The following MBOAT2 variants were observed in gnomAD, a reference collection of about 807,000 sequenced individuals.
MBOAT2 encodes the protein membrane-bound glycerophospholipid O-acyltransferase 2.
In MBOAT2, 28 loss-of-function variants were observed where a neutral mutation model predicts 63.4. The observed-to-expected ratio is 0.44, with a 90% CI of 0.33 to 0.61. The LOEUF (loss-of-function observed/expected upper bound fraction) is 0.61. Ranked by LOEUF, MBOAT2 falls within the 20% of genes least tolerant of loss-of-function variation. MBOAT2 has a pLI of 0.03. For missense variants in MBOAT2, 470 were observed against 605.8 expected (o/e 0.78, Z 2.35); for synonymous variants, 211 against 215.6 (o/e 0.98, Z 0.19).
intron 4 of MBOAT2, among the ~76,000 whole-genome samples, chr2:8,901,282 G>A (rs1664903268): frequency 6.6e-6 from 1 of 152,198 alleles, no homozygotes. Context: ...CAGCACAGCA[G>A]CAGAAACATT....
rs187812859 is a variant in MBOAT2 at position 8,884,367 on chromosome 2, C to T, written c.452-1802G>A. Among the ~76,000 whole-genome samples the T allele has an allele frequency of 1.2e-4, 18 of 151,046 alleles. No individual in the cohort carries two copies. In the East Asian group the frequency reaches 3.5e-3, roughly 29 times the overall value. On this transcript the variant is annotated intron_variant, in intron 5 of 12. Transcript: ENST00000305997. The stretch of plus-strand genomic sequence containing the variant: ...AAAAACACTTAAAAAAAAAGATGAT[C>T]GAAGATTAGAGAACGGTAAAACATT...
chr2:8,965,874 T>C (rs2103295102), intron 1 of MBOAT2, among the ~76,000 whole-genome samples: 1 of 152,280 alleles, frequency 6.6e-6, no homozygotes, highest in South Asian at 2.1e-4. Context: ...AAAATTAACC[T>C]ATAATAATTT....
At chr2:8,951,237 C>T (rs771413051) in intron 2 of MBOAT2, among the ~76,000 whole-genome samples, 3 of 149,602 alleles carry the variant, frequency 2.0e-5, no homozygotes, top group South Asian at 2.1e-4. Context: ...CAGAGTCTCA[C>T]TCTGTCAGCC....
chr2:8,891,159 T>A (rs1323068008), intron 4 of MBOAT2, among the ~76,000 whole-genome samples: 1 of 152,242 alleles, frequency 6.6e-6, no homozygotes, highest in Non-Finnish European at 1.5e-5. Flanking sequence ...TTGTTTTAAG[T>A]GGATGGCAGT....
At chr2:8,919,480 C>T (rs1002392346) in intron 3 of MBOAT2, among the ~76,000 whole-genome samples, 10 of 152,204 alleles carry the variant, frequency 6.6e-5, no homozygotes, top group African/African-American at 2.4e-4. Flanking sequence ...ATTTGCAATT[C>T]GCTAATGGCT....
At chr2:8,994,674 CAGA>C (rs986913541) in intron 1 of MBOAT2, among the ~76,000 whole-genome samples, 5 of 152,120 alleles carry the variant, frequency 3.3e-5, no homozygotes, top group African/African-American at 1.2e-4. Context: ...CAGCCTGAGG[CAGA>C]AGAATTACAA....
chr2:8,909,182 C>T (rs1434178662), intron 3 of MBOAT2, among the ~76,000 whole-genome samples: 1 of 152,146 alleles, frequency 6.6e-6, no homozygotes, highest in Non-Finnish European at 1.5e-5. Flanking sequence ...ATTTCATAGC[C>T]ATGAACACTT....
At chr2:8,934,671 C>G (rs1289199836) in intron 3 of MBOAT2, among the ~76,000 whole-genome samples, 1 of 152,124 alleles carries the variant, frequency 6.6e-6, no homozygotes, top group Non-Finnish European at 1.5e-5. Context: ...TATTCCAAAC[C>G]CCTGAAAGGC....
intron 1 of MBOAT2, 99 bp from the exon 2 acceptor site, chr2:8,958,741 C>T (rs536749846): frequency 1.7e-6 from 2 of 1,188,160 alleles, no homozygotes; most frequent in Admixed American, 6.5e-5. Context: ...CAAGGTTACA[C>T]AAAAATTGAC....
chr2:8,884,871 G>T (rs1286883990), intron 5 of MBOAT2, among the ~76,000 whole-genome samples: 11 of 152,162 alleles, frequency 7.2e-5, no homozygotes, highest in Admixed American at 7.2e-4. Context: ...CTGGCCAAAA[G>T]AATCAACAAA....
In MBOAT2 at chr2:9,003,021, T is replaced by C. The variant is rs1364656132; in HGVS notation, c.75+519A>G. Among the ~76,000 whole-genome samples, 1 of 151,844 alleles carries C rather than the reference T, an allele frequency of 6.6e-6. No homozygotes were observed. Among genetic ancestry groups the C allele is most frequent in the East Asian group, 1.9e-4 (1 of 5,150 alleles). On this transcript the variant is annotated intron_variant, in intron 1 of 12. Coordinates refer to ENST00000305997, the MANE Select transcript of MBOAT2 (RefSeq NM_138799.4). This position sits in a 1 kb window ranked among gnomAD's most constrained non-coding sequence, Gnocchi z 5.4. ...TAGCGCTTAAGCCTCTCCGGGCCCC[T>C]AGCACCCATCGACGCCGTCTCTAAG... is the stretch of plus-strand genomic sequence containing the variant.
chr2:8,925,608 G>A (rs1190072044), intron 3 of MBOAT2, among the ~76,000 whole-genome samples: 2 of 152,202 alleles, frequency 1.3e-5, no homozygotes, highest in Non-Finnish European at 2.9e-5. Flanking sequence ...CATGTGAGCA[G>A]AGTCTGTTAT....
At chr2:8,874,813 G>A (rs184895707) in intron 7 of MBOAT2, among the ~76,000 whole-genome samples, 61 of 152,132 alleles carry the variant, frequency 4.0e-4, no homozygotes, top group Non-Finnish European at 7.6e-4. Context: ...TTTCTCTTGG[G>A]TGCTTGGAAG....
chr2:9,003,105 G>GC lies in MBOAT2; in HGVS notation c.75+434dup, dbSNP rs945440505. ...CTCCGGGGGTCGCTCAGAGGCGCGCGCGGGGCAGGCAGCACCACGCCAGGC... is the reference window on the plus strand; with the variant it reads ...CTCCGGGGGTCGCTCAGAGGCGCGCGCCGGGGCAGGCAGCACCACGCCAGGC... On this transcript the variant is annotated intron_variant, in intron 1 of 12. Transcript: ENST00000305997. This position sits in a 1 kb window ranked among gnomAD's most constrained non-coding sequence, Gnocchi z 5.4. Among the ~76,000 whole-genome samples, 13 of 152,036 alleles carry GC rather than the reference G, an allele frequency of 8.6e-5. No homozygotes were observed. Among genetic ancestry groups the GC allele is most frequent in the Admixed American group, 7.8e-4 (12 of 15,288 alleles).
At chr2:8,908,796 TA>T (rs1322399959) in intron 3 of MBOAT2, 80 bp from the exon 4 acceptor site, 36 of 765,064 alleles carry the variant, frequency 4.7e-5, no homozygotes, top group Non-Finnish European at 2.7e-5. Context: ...ATTTATTAGC[TA>T]AATGATATGG....
Position 9,003,215 on chromosome 2 carries a change from G to A in MBOAT2, c.75+325C>T, listed in dbSNP as rs991218682. 6.6e-6 allele frequency among the ~76,000 whole-genome samples: 1 copy of A among 152,120 alleles called. No homozygotes were observed. The highest frequency in any genetic ancestry group is 6.5e-5 in the Admixed American group (1 of 15,276). ...GCTCCGGGACCCGACCACCGGATCC[G>A]AGCGCCGCTGCCGCGAAGGGCAGGG... On this transcript the variant is annotated intron_variant, in intron 1 of 12. Coordinates refer to ENST00000305997, the MANE Select transcript of MBOAT2 (RefSeq NM_138799.4). This position sits in a 1 kb window ranked among gnomAD's most constrained non-coding sequence, Gnocchi z 5.4.
At chr2:8,896,913 G>A (rs537866226) in intron 4 of MBOAT2, among the ~76,000 whole-genome samples, 1 of 152,170 alleles carries the variant, frequency 6.6e-6, no homozygotes, top group East Asian at 1.9e-4. Context: ...GATCCCGTTA[G>A]GAAACCTGCT....
At chr2:8,886,647 G>C (rs1663573388) in intron 5 of MBOAT2, among the ~76,000 whole-genome samples, 1 of 152,164 alleles carries the variant, frequency 6.6e-6, no homozygotes, top group Admixed American at 6.5e-5. Flanking sequence ...AATCTAAACT[G>C]TTCTAAAGAG....
In MBOAT2 at chr2:8,852,876, G is replaced by C. The variant is rs1196561087; in HGVS notation, c.*5803C>G. The C allele has an allele frequency of 6.6e-6, 1 of 152,136 alleles. No homozygotes were observed. Among genetic ancestry groups the C allele is most frequent in the Non-Finnish European group, 1.5e-5 (1 of 68,026 alleles). The allele number at this position is 152,136 out of a possible 1,614,324, so 9.4% of individuals were successfully genotyped here. A position where few individuals can be genotyped will look rare whatever the true frequency, so the allele number is the denominator to read the frequency against. On this transcript the variant is annotated 3_prime_UTR_variant, in exon 13 of 13. Coordinates refer to ENST00000305997, the MANE Select transcript of MBOAT2 (RefSeq NM_138799.4). ...ACATCTCAGTTTGACTGACACAGTG[G>C]GAGTTTTAATTTACCGTACATCAGG...
Sources: gnomAD v4.1 joint callset for allele counts (sites outside exome capture counted in the v4.1 genomes callset) on GRCh38, gnomAD v4.1.1 for gene constraint, Gnocchi (gnomAD v3.1) non-coding constraint, MANE v1.5 for transcripts, NCBI Gene and HGNC (gene_info 2026-07-23, HGNC 2026-07-21) for gene names.